COL9A3: variants seen among roughly 807,000 people sequenced by gnomAD.
COL9A3 encodes collagen alpha-3(IX) chain.
COL9A3 carries 82 observed loss-of-function variants against 110.2 expected under a neutral mutation model. The ratio of observed to expected loss-of-function variants is 0.74; its 90% CI spans 0.62 to 0.89. The LOEUF (loss-of-function observed/expected upper bound fraction) is 0.89, where lower values mean the gene tolerates loss of function less well. Among genes scored for constraint, COL9A3 ranks in the 40% least tolerant of loss-of-function variants. The pLI is 0.00. For missense variants in COL9A3, 1,066 were observed against 981.3 expected (o/e 1.09, Z -1.15); for synonymous variants, 494 against 403.8 (o/e 1.22, Z -2.68).
intron 2 of COL9A3, chr20:62,817,898 C>T: frequency 1.7e-6 from 1 of 604,392 alleles, no homozygotes; most frequent in Non-Finnish European, 3.1e-6. Context: ...CCTGAGGGGC[C>T]CGTGCCCCTG....
At chr20:62,829,303 C>T (rs535026962) in intron 19 of COL9A3, 152 bp from the exon 20 acceptor site, 65 of 1,065,828 alleles carry the variant, frequency 6.1e-5, no homozygotes, top group African/African-American at 1.1e-4. Context: ...CTGTCAAAGC[C>T]GCACCTCAGG....
chr20:62,827,780 C>T, intron 16 of COL9A3, 143 bp from the exon 17 acceptor site: 1 of 836,096 alleles, frequency 1.2e-6, no homozygotes, highest in Non-Finnish European at 2.0e-6. Flanking sequence ...TCCACGCACC[C>T]ACAGGCCCCA....
chr20:62,829,625 C>T lies in COL9A3; in HGVS notation c.1054-3C>T. The T allele has an allele frequency of 6.2e-7, 1 of 1,610,004 alleles. No individual in the cohort carries two copies. Among genetic ancestry groups the T allele is most frequent in the Non-Finnish European group, 8.5e-7 (1 of 1,178,906 alleles). On this transcript the variant is annotated splice_polypyrimidine_tract_variant and splice_region_variant and intron_variant, in intron 20 of 31. Transcript: ENST00000649368. ...GGCACTCACAGCTCTCCTTCCTCTA[C>T]AGGGCAGAGCTGGGGAGCTGGGTGA...
chr20:62,829,106 T>C, intron 19 of COL9A3, 130 bp downstream of exon 19: 1 of 1,047,532 alleles, frequency 9.5e-7, no homozygotes, highest in Non-Finnish European at 1.4e-6. Flanking sequence ...CCTGTGTCCA[T>C]CAGGGCCTGG....
At chr20:62,831,464 T>C (rs1413352989) in intron 24 of COL9A3, 1 of 153,462 alleles carries the variant, frequency 6.5e-6, no homozygotes, top group Non-Finnish European at 1.5e-5. Flanking sequence ...TCCAGGGTGA[T>C]GGTCATTCCA....
chr20:62,827,859 G>A (rs536545485), intron 16 of COL9A3, 64 bp from the exon 17 acceptor site: 14 of 1,561,692 alleles, frequency 9.0e-6, no homozygotes, highest in African/African-American at 2.7e-5. Flanking sequence ...GCAGCTGGCC[G>A]GAGAATGCGT....
At position 62,817,601 on chromosome 20, in the gene COL9A3, G is replaced by A. The variant is rs886044333; in HGVS notation, c.113G>A (p.Gly38Glu). ...CTCCCCGGCCCCCCCGGCCCCCCAGGGCCGCCCGGGAAGCCCGGCCAGGAC... is the reference window on the plus strand; with the variant it reads ...CTCCCCGGCCCCCCCGGCCCCCCAGAGCCGCCCGGGAAGCCCGGCCAGGAC... ...VGLPGPPGPPGPPGKPGQDGI... is the reference protein window; with the variant it reads ...VGLPGPPGPPEPPGKPGQDGI... Residue 38 changes from glycine to glutamate, a missense_variant, in exon 2 of 32, where the codon GGG (glycine) becomes GAG (glutamate). Physicochemically the swap from Gly to Glu is moderately conservative, Grantham distance 98. Transcript: ENST00000649368. The A allele has an allele frequency of 6.5e-7, 1 of 1,547,670 alleles. No individual in the cohort carries two copies.
Position 62,826,270 on chromosome 20 carries a change from G to A in COL9A3, c.738+13G>A, listed in dbSNP as rs958920962. ...CCCTGGGGACCGGGTAAGTCCTGCA[G>A]CCCCTAGTGGGGGCCGGCCAGGTGG... On this transcript the variant is annotated intron_variant, in intron 14 of 31. Coordinates refer to ENST00000649368, the MANE Select transcript of COL9A3 (RefSeq NM_001853.4). 3.2e-6 allele frequency: 5 copies of A among 1,547,818 alleles called. No homozygotes were observed. The highest frequency in any genetic ancestry group is 4.4e-6 in the Non-Finnish European group (5 of 1,146,992).
At chr20:62,826,681 TGTCTGG>T (rs2063555888) in intron 14 of COL9A3, 80 bp from the exon 15 acceptor site, 1 of 1,456,362 alleles carries the variant, frequency 6.9e-7, no homozygotes. Flanking sequence ...GGGCTGCTTG[TGTCTGG>T]GCCGCCCCTG....
chr20:62,840,760 G>C lies in COL9A3; in HGVS notation c.*28G>C. On this transcript the variant is annotated 3_prime_UTR_variant, in exon 32 of 32. Coordinates refer to ENST00000649368, the MANE Select transcript of COL9A3 (RefSeq NM_001853.4). The stretch of plus-strand genomic sequence containing the variant: ...TTCAACGTGAGGAAGCAAGTGACAA[G>C]GACGCCCGAAGCACAGTGGACGGTC... 6.4e-7 allele frequency: 1 copy of C among 1,552,810 alleles called. No homozygotes were observed. The highest frequency in any genetic ancestry group is 8.7e-7 in the Non-Finnish European group (1 of 1,147,426).
chr20:62,817,652 G>T lies in COL9A3; in HGVS notation c.147+17G>T. ...GGCATTGACGTGAGTTTGGGGGTGG[G>T]GAGGGCCCCGAGCGCTCTGGGGTTC... is the stretch of plus-strand genomic sequence containing the variant. On this transcript the variant is annotated intron_variant, in intron 2 of 31. Transcript: ENST00000649368. 2 of 1,522,482 alleles carry T rather than the reference G, an allele frequency of 1.3e-6. No homozygotes were observed. Among genetic ancestry groups the T allele is most frequent in the Non-Finnish European group, 1.8e-6 (2 of 1,130,014 alleles). 94.3% of individuals were successfully genotyped at this position (1,522,482 alleles called of 1,614,324 possible). A position where few individuals can be genotyped will look rare whatever the true frequency, so the allele number is the denominator to read the frequency against.
At chr20:62,828,231 C>T (rs1313407178) in intron 17 of COL9A3, among the ~76,000 whole-genome samples, 1 of 152,220 alleles carries the variant, frequency 6.6e-6, no homozygotes, top group African/African-American at 2.4e-5. Flanking sequence ...GTGGGTAGCA[C>T]CACTGGGCAG....
At chr20:62,822,949 C>T (rs1377243634) in intron 10 of COL9A3, among the ~76,000 whole-genome samples, 1 of 152,260 alleles carries the variant, frequency 6.6e-6, no homozygotes, top group Non-Finnish European at 1.5e-5. Context: ...CTGCGTCATC[C>T]GCAGAGGGCG....
intron 29 of COL9A3, chr20:62,836,836 G>A (rs1393193331): frequency 9.4e-6 from 6 of 641,484 alleles, no homozygotes; most frequent in Non-Finnish European, 1.6e-5. Context: ...GGCTGGCAGG[G>A]CAGGTCCCTA....
Position 62,821,167 on chromosome 20 carries a change from C to T in COL9A3, c.310-14C>T. On this transcript the variant is annotated splice_polypyrimidine_tract_variant and intron_variant, in intron 5 of 31. Coordinates refer to ENST00000649368, the MANE Select transcript of COL9A3 (RefSeq NM_001853.4). Reference sequence around the variant, plus strand: ...AGGCCCAGCCCAACCTAGACGCCTGCTTTCCTCCCACAGGGAAGTCTGGGA... The same window carrying T: ...AGGCCCAGCCCAACCTAGACGCCTGTTTTCCTCCCACAGGGAAGTCTGGGA... The T allele has an allele frequency of 1.2e-6, 2 of 1,612,816 alleles. No individual in the cohort carries two copies. The highest frequency in any genetic ancestry group is 8.5e-7 in the Non-Finnish European group (1 of 1,179,672).
At chr20:62,820,729 G>T (rs140939089) in intron 5 of COL9A3, among the ~76,000 whole-genome samples, 1 of 152,210 alleles carries the variant, frequency 6.6e-6, no homozygotes, top group South Asian at 2.1e-4. Context: ...GGGCCCGTGC[G>T]TGCCGTCCAG....
chr20:62,837,663 T>C (rs780131980), intron 30 of COL9A3, among the ~76,000 whole-genome samples: 5 of 150,948 alleles, frequency 3.3e-5, no homozygotes, highest in South Asian at 2.1e-4. Flanking sequence ...AAAAATTAGC[T>C]GGGCATGGTG....
At chr20:62,825,417 C>G in intron 12 of COL9A3, 1 of 351,560 alleles carries the variant, frequency 2.8e-6, no homozygotes, top group Admixed American at 4.4e-5. Flanking sequence ...CCTCCCCTCA[C>G]CTGTGGTCGC....
In COL9A3 at chr20:62,837,252, C is replaced by T. The variant is rs770282996; in HGVS notation, c.1773C>T (p.Asp591=). 2.5e-6 allele frequency: 4 copies of T among 1,610,298 alleles called. No homozygotes were observed. Among genetic ancestry groups the T allele is most frequent in the Admixed American group, 1.7e-5 (1 of 59,980 alleles). ...GCGGTCCCACTGGGGAGCTGGGAGACCCCGGGCCCAGAGGTGAGTGTTTGA... is the reference window on the plus strand; with the variant it reads ...GCGGTCCCACTGGGGAGCTGGGAGATCCCGGGCCCAGAGGTGAGTGTTTGA... ...GYRGPTGELG[D]PGPRGNQGDR... The change falls in exon 30 of 32, where the codon GAC becomes GAT. Residue 591 remains aspartate (D), a synonymous_variant. Coordinates refer to ENST00000649368, the MANE Select transcript of COL9A3 (RefSeq NM_001853.4).
Sources: allele counts gnomAD v4.1 joint callset (sites outside exome capture counted in the v4.1 genomes callset), GRCh38; gene constraint gnomAD v4.1.1; transcripts MANE v1.5; gene names NCBI Gene and HGNC (gene_info 2026-07-23, HGNC 2026-07-21).